CHN1: variants seen among roughly 807,000 people sequenced by gnomAD.
CHN1 encodes the protein N-chimaerin.
A neutral mutation model predicts 59.5 loss-of-function variants in CHN1; 37 were observed. The observed-to-expected ratio is 0.62, with a 90% CI of 0.48 to 0.82. The LOEUF is 0.82. CHN1 is among the 40% of genes least tolerant of loss of function. The pLI, the probability that CHN1 is intolerant of heterozygous loss-of-function variation, is 0.00. For synonymous variants in CHN1, 206 were observed against 200.4 expected, an observed-to-expected ratio of 1.03 and a Z score of -0.24; for missense variants, 469 against 571.0, an observed-to-expected ratio of 0.82 and a Z score of 1.82.
intron 5 of CHN1, among the ~76,000 whole-genome samples, chr2:174,912,654 C>T (rs1423759591): frequency 4.6e-5 from 7 of 152,290 alleles, no homozygotes; most frequent in Admixed American, 1.3e-4. Context: ...GGGAGAATCA[C>T]CAGTTGAAAT....
At chr2:174,915,603 CA>C (rs1242936528) in intron 4 of CHN1, among the ~76,000 whole-genome samples, 1 of 151,892 alleles carries the variant, frequency 6.6e-6, no homozygotes, top group Non-Finnish European at 1.5e-5. Context: ...TCTATGTTGG[CA>C]ATTTTCCAGG....
intron 1 of CHN1, among the ~76,000 whole-genome samples, chr2:174,986,287 A>G (rs1402184487): frequency 6.6e-6 from 1 of 152,212 alleles, no homozygotes; most frequent in Non-Finnish European, 1.5e-5. Flanking sequence ...TACACCTTGC[A>G]AAAGAAAAGG....
At chr2:174,844,840 T>A (rs16862878) in intron 7 of CHN1, among the ~76,000 whole-genome samples, 1 of 152,148 alleles carries the variant, frequency 6.6e-6, no homozygotes, top group Non-Finnish European at 1.5e-5. Context: ...CTAAATAATA[T>A]GTAATGCAAC....
chr2:174,964,283 G>T (rs142860254), intron 1 of CHN1, among the ~76,000 whole-genome samples: 1 of 152,174 alleles, frequency 6.6e-6, no homozygotes, highest in African/African-American at 2.4e-5. Context: ...GCACAGGAGA[G>T]AAGTTACCTT....
intron 1 of CHN1, among the ~76,000 whole-genome samples, chr2:174,976,050 C>G (rs1278397763): frequency 1.8e-4 from 26 of 141,352 alleles, no homozygotes; most frequent in Admixed American, 2.9e-4. Context: ...GGTGTGAACC[C>G]GGGAGGCGGA....
intron 1 of CHN1, among the ~76,000 whole-genome samples, chr2:174,985,638 C>G (rs111402475): frequency 1.3e-5 from 2 of 152,226 alleles, no homozygotes; most frequent in African/African-American, 4.8e-5. Context: ...ATGCAGGCAG[C>G]CCTTTGTATT....
intron 3 of CHN1, among the ~76,000 whole-genome samples, chr2:174,943,504 C>T (rs1187530812): frequency 2.0e-5 from 3 of 151,938 alleles, no homozygotes; most frequent in South Asian, 2.1e-4. Flanking sequence ...GGATTACAGG[C>T]ATGAGCCATC....
At chr2:174,861,358 T>C (rs184062699) in intron 6 of CHN1, among the ~76,000 whole-genome samples, 3 of 152,316 alleles carry the variant, frequency 2.0e-5, no homozygotes, top group Admixed American at 1.3e-4. Flanking sequence ...TTATCATCAT[T>C]AGCATCAGTC....
rs564661265 is a variant in CHN1 at position 174,977,293 on chromosome 2, T to C, written c.20-25091A>G. On this transcript the variant is annotated intron_variant, in intron 1 of 12. Transcript: ENST00000409900. ...GGATATCATCATCTGATAATCTATA[T>C]TGACATTTCTTCTATATAATCAATT... Among the ~76,000 whole-genome samples the C allele has an allele frequency of 7.9e-5, 12 of 152,348 alleles. No individual in the cohort carries two copies. In the South Asian group the frequency reaches 1.2e-3, roughly 16 times the overall value.
rs555375389 is a variant in CHN1 at position 174,903,593 on chromosome 2, T to A, written c.260+11465A>T. On this transcript the variant is annotated intron_variant, in intron 5 of 12. Transcript: ENST00000409900. Reference sequence around the variant, plus strand: ...CATTCTAAACACTTTTATTTCAAAATTTTTTAACCATATCTATGTGCTGCT... The same window carrying A: ...CATTCTAAACACTTTTATTTCAAAAATTTTTAACCATATCTATGTGCTGCT... Among the ~76,000 whole-genome samples the A allele has an allele frequency of 5.3e-4, 81 of 152,314 alleles. 1 individual carries two copies. The East Asian group carries it at 0.011, about 20-fold the overall frequency.
At chr2:174,833,405 A>G (rs1685947459) in intron 7 of CHN1, among the ~76,000 whole-genome samples, 1 of 152,216 alleles carries the variant, frequency 6.6e-6, no homozygotes, top group African/African-American at 2.4e-5. Context: ...ATTATTTGCT[A>G]GATATAGAAT....
intron 6 of CHN1, among the ~76,000 whole-genome samples, chr2:174,865,009 A>G (rs1263723755): frequency 6.6e-6 from 1 of 152,218 alleles, no homozygotes; most frequent in Non-Finnish European, 1.5e-5. Context: ...TTGAATTTGT[A>G]CATCTGTGTG....
intron 5 of CHN1, among the ~76,000 whole-genome samples, chr2:174,884,931 CT>C (rs1687847743): frequency 6.6e-6 from 1 of 152,082 alleles, no homozygotes; most frequent in African/African-American, 2.4e-5. Context: ...TTAGTAAAGA[CT>C]TCATAAATAG....
chr2:174,948,200 T>G (rs1360764509), intron 2 of CHN1, among the ~76,000 whole-genome samples: 2 of 151,864 alleles, frequency 1.3e-5, no homozygotes, highest in African/African-American at 4.9e-5. Context: ...TTTTTAACAT[T>G]AAAAAATTAA....
At chr2:174,886,582 T>C (rs992450146) in intron 5 of CHN1, among the ~76,000 whole-genome samples, 5 of 152,348 alleles carry the variant, frequency 3.3e-5, no homozygotes, top group African/African-American at 1.2e-4. Flanking sequence ...ATTGGGATTA[T>C]TGAGCACTCT....
intron 5 of CHN1, among the ~76,000 whole-genome samples, chr2:174,892,378 C>T (rs1688079439): frequency 6.6e-6 from 1 of 152,190 alleles, no homozygotes; most frequent in African/African-American, 2.4e-5. Context: ...GGGTTTGGCC[C>T]TTTTTCCCTT....
At chr2:174,800,430 C>G in intron 12 of CHN1, 143 bp from the exon 13 acceptor site, 1 of 551,014 alleles carries the variant, frequency 1.8e-6, no homozygotes, top group East Asian at 3.1e-5. Context: ...TCTGTAATTT[C>G]AAAGTACTGA....
At chr2:174,846,156 G>A (rs1232768371) in intron 7 of CHN1, among the ~76,000 whole-genome samples, 1 of 152,150 alleles carries the variant, frequency 6.6e-6, no homozygotes, top group African/African-American at 2.4e-5. Context: ...CTCTGAATTA[G>A]ATTGCAAAGG....
chr2:174,988,202 C>CA (rs1691414621), intron 1 of CHN1, among the ~76,000 whole-genome samples: 1 of 151,938 alleles, frequency 6.6e-6, no homozygotes, highest in East Asian at 1.9e-4. Flanking sequence ...ACTAAAAATA[C>CA]AAAAATTAGC....
Sources: allele counts gnomAD v4.1 joint callset (sites outside exome capture counted in the v4.1 genomes callset), GRCh38; gene constraint gnomAD v4.1.1; transcripts MANE v1.5; gene names NCBI Gene and HGNC (gene_info 2026-07-23, HGNC 2026-07-21).